The following SYNPR variants were observed in gnomAD, a reference collection of about 807,000 sequenced individuals.
SYNPR encodes the protein synaptoporin.
In SYNPR, 23 loss-of-function variants were observed where a neutral mutation model predicts 32.9. The observed-to-expected ratio is 0.70, with a 90% CI of 0.50 to 0.99. The LOEUF is 0.99. Among genes scored for constraint, SYNPR ranks in the 50% least tolerant of loss-of-function variants. SYNPR has a pLI of 0.00. For missense variants in SYNPR, 318 were observed against 349.3 expected (o/e 0.91, Z 0.71); for synonymous variants, 146 against 135.9 (o/e 1.07, Z -0.52).
At chr3:63,363,620 T>C (rs991610922) in intron 2 of SYNPR, among the ~76,000 whole-genome samples, 27 of 152,236 alleles carry the variant, frequency 1.8e-4, no homozygotes, top group African/African-American at 6.5e-4. Context: ...TGATCCTCGT[T>C]TTCTTCTCTG....
At chr3:63,402,037 T>G (rs2088299548) in intron 2 of SYNPR, among the ~76,000 whole-genome samples, 1 of 151,468 alleles carries the variant, frequency 6.6e-6, no homozygotes. Context: ...GCCCCTGCTG[T>G]TCATCCTTAA....
chr3:63,203,452 A>G, the SYNPR span: 1 of 152,272 alleles, frequency 6.6e-6, no homozygotes, highest in African/African-American at 2.4e-5. Flanking sequence ...CCATCATCCT[A>G]GCTAAAGCTC....
chr3:63,245,903 A>G (rs1052250524), intron 1 of SYNPR, among the ~76,000 whole-genome samples: 1 of 152,052 alleles, frequency 6.6e-6, no homozygotes, highest in Non-Finnish European at 1.5e-5. Flanking sequence ...TGATTAAAGC[A>G]CGACCTCTGA....
At chr3:63,202,483 T>C in the SYNPR span, among the ~76,000 whole-genome samples, 1 of 152,170 alleles carries the variant, frequency 6.6e-6, no homozygotes, top group East Asian at 1.9e-4. Context: ...TGTCAGCAGT[T>C]ATCCCTCAGT....
intron 2 of SYNPR, among the ~76,000 whole-genome samples, chr3:63,292,820 T>C (rs535364333): frequency 6.6e-6 from 1 of 152,326 alleles, no homozygotes; most frequent in Admixed American, 6.5e-5. Flanking sequence ...CATATGTTCT[T>C]TGTACTAAAG....
intron 2 of SYNPR, among the ~76,000 whole-genome samples, chr3:63,475,429 G>T (rs1265437318): frequency 2.0e-5 from 3 of 152,140 alleles, no homozygotes; most frequent in Non-Finnish European, 4.4e-5. Context: ...CTTAAGAAAA[G>T]ATGGGAATAC....
At chr3:63,546,966 A>T (rs1359471005) in intron 3 of SYNPR, among the ~76,000 whole-genome samples, 1 of 152,134 alleles carries the variant, frequency 6.6e-6, no homozygotes, top group Middle Eastern at 3.2e-3. Context: ...CTGCCTGGAA[A>T]ATGCCATTTA....
chr3:63,481,010 C>T lies in SYNPR; in HGVS notation c.209+54C>T, dbSNP rs560432459. 4.5e-6 allele frequency: 7 copies of T among 1,572,182 alleles called. No individual in the cohort carries two copies. In the African/African-American group the frequency reaches 5.4e-5, roughly 12 times the overall value. On this transcript the variant is annotated intron_variant, in intron 3 of 5. Transcript: ENST00000478300. ...CCTCACAGGGGGTTATTTCTTTCTT[C>T]TGTGCTTTGTCTCAGAAAAAATGCA...
At chr3:63,468,110 C>T (rs1169549134) in intron 2 of SYNPR, among the ~76,000 whole-genome samples, 1 of 148,252 alleles carries the variant, frequency 6.7e-6, no homozygotes, top group Non-Finnish European at 1.5e-5. Context: ...AGGAGAATTG[C>T]TTGAACCCAG....
Position 63,278,697 on chromosome 3 carries a change from C to A in SYNPR, c.39C>A (p.Phe13Leu). The change falls in exon 2 of 6, where the codon TTC (phenylalanine) becomes TTA (leucine). Residue 13 changes from phenylalanine to leucine, a missense_variant. Physicochemically the swap from Phe to Leu is conservative, Grantham distance 22. Transcript: ENST00000478300. Reference sequence around the variant, plus strand: ...CAAAGCTGGCCTCTGCGGGCACCTTCCGGGTGCTGAAGGAGCCCCTTGCCT... The same window carrying A: ...CAAAGCTGGCCTCTGCGGGCACCTTACGGGTGCTGAAGGAGCCCCTTGCCT... The part of the protein sequence containing the change: ...PVSQLASAGT[F>L]RVLKEPLAFL... 1 of 1,551,662 alleles carries A rather than the reference C, an allele frequency of 6.4e-7. No individual in the cohort carries two copies. The highest frequency in any genetic ancestry group is 8.7e-7 in the Non-Finnish European group (1 of 1,146,982).
intron 1 of SYNPR, among the ~76,000 whole-genome samples, chr3:63,251,284 C>T (rs902067848): frequency 6.6e-6 from 1 of 151,854 alleles, no homozygotes; most frequent in East Asian, 1.9e-4. Flanking sequence ...ACGAAAAAGT[C>T]TCTAAGACAT....
At chr3:63,267,388 C>A (rs2086498984) in exon 3 of SYNPR, 1 of 152,262 alleles carries the variant, frequency 6.6e-6, no homozygotes, top group Admixed American at 6.5e-5. Flanking sequence ...GGACTTCCAG[C>A]TGCAGAAGGA....
intron 2 of SYNPR, among the ~76,000 whole-genome samples, chr3:63,451,135 C>G (rs929955294): frequency 1.5e-4 from 23 of 152,090 alleles, no homozygotes; most frequent in African/African-American, 5.6e-4. Context: ...TGAGTAACTT[C>G]CCAGAGTTAT....
rs2087728198 is a variant in SYNPR at position 63,366,212 on chromosome 3, CT to C, written c.84+87473del. Among the ~76,000 whole-genome samples, 6 of 152,244 alleles carry C rather than the reference CT, an allele frequency of 3.9e-5. No homozygotes were observed. In the South Asian group the frequency reaches 1.0e-3, roughly 26 times the overall value. On this transcript the variant is annotated intron_variant, in intron 2 of 5. Coordinates refer to ENST00000478300, the MANE Select transcript of SYNPR (RefSeq NM_001130003.2). ...TACTGAATTCAAGTAGAATCTAAAT[CT>C]TTACAAGACATTCTTGGAACAAAAC...
At chr3:63,556,442 C>T in intron 3 of SYNPR, 101 bp from the exon 4 acceptor site, 3 of 1,057,934 alleles carry the variant, frequency 2.8e-6, no homozygotes, top group Non-Finnish European at 4.1e-6. Flanking sequence ...CACTAAAACT[C>T]CCAGATCACA....
intron 2 of SYNPR, among the ~76,000 whole-genome samples, chr3:63,408,194 G>GGA (rs1426906561): frequency 2.0e-5 from 1 of 50,144 alleles, no homozygotes; most frequent in Non-Finnish European, 3.5e-5. Context: ...AAGAAAGAAA[G>GGA]AGGAAGGAAG....
chr3:63,608,124 T>G (rs1279775804), intron 4 of SYNPR, among the ~76,000 whole-genome samples: 1 of 152,152 alleles, frequency 6.6e-6, no homozygotes, highest in Non-Finnish European at 1.5e-5. Flanking sequence ...TTTAATACTA[T>G]GTTCTAATAG....
upstream of SYNPR, among the ~76,000 whole-genome samples, chr3:63,275,267 G>C (rs1169778349): frequency 6.6e-6 from 1 of 152,074 alleles, no homozygotes; most frequent in African/African-American, 2.4e-5. Flanking sequence ...GTTATTTCCA[G>C]GTCTGAATAC....
At chr3:63,607,252 C>T (rs1374012022) in intron 4 of SYNPR, among the ~76,000 whole-genome samples, 1 of 152,146 alleles carries the variant, frequency 6.6e-6, no homozygotes, top group African/African-American at 2.4e-5. Flanking sequence ...AGACCTTCCT[C>T]AATACTCAGC....
Sources: gnomAD v4.1 joint callset for allele counts (sites outside exome capture counted in the v4.1 genomes callset) on GRCh38, gnomAD v4.1.1 for gene constraint, MANE v1.5 for transcripts, NCBI Gene and HGNC (gene_info 2026-07-23, HGNC 2026-07-21) for gene names.